XKR6: variants seen among roughly 807,000 people sequenced by gnomAD.
XKR6 encodes XK-related protein 6.
A neutral mutation model predicts 56.7 loss-of-function variants in XKR6; 22 were observed. The ratio of observed to expected loss-of-function variants is 0.39; its 90% CI spans 0.28 to 0.55. XKR6 has a LOEUF of 0.55. XKR6 is among the 20% of genes least tolerant of loss of function. The pLI, the probability that XKR6 is intolerant of heterozygous loss-of-function variation, is 0.66. For synonymous variants in XKR6, 524 were observed against 387.8 expected (o/e 1.35, Z -4.13); for missense variants, 852 against 889.0 (o/e 0.96, Z 0.53).
At chr8:11,158,025 G>T (rs1191555399) in intron 1 of XKR6, among the ~76,000 whole-genome samples, 1 of 152,206 alleles carries the variant, frequency 6.6e-6, no homozygotes, top group Non-Finnish European at 1.5e-5. Context: ...CAACTTAAAA[G>T]TTGGTGATTG....
chr8:10,967,440 A>T (rs1802258821), intron 1 of XKR6, among the ~76,000 whole-genome samples: 1 of 152,100 alleles, frequency 6.6e-6, no homozygotes, highest in African/African-American at 2.4e-5. Flanking sequence ...CTATGCCAGG[A>T]GGTGGGAGCT....
intron 1 of XKR6, among the ~76,000 whole-genome samples, chr8:11,101,862 C>A (rs1220053016): frequency 1.3e-5 from 2 of 152,284 alleles, no homozygotes; most frequent in African/African-American, 2.4e-5. Context: ...CCCTTTAAGG[C>A]CCCATCTAGA....
chr8:10,972,948 G>T (rs553289484), intron 1 of XKR6, among the ~76,000 whole-genome samples: 1 of 152,152 alleles, frequency 6.6e-6, no homozygotes, highest in Non-Finnish European at 1.5e-5. Flanking sequence ...GTAAGGGAAA[G>T]CCTGGCCTGC....
chr8:10,965,597 T>C (rs1455070450), intron 1 of XKR6, among the ~76,000 whole-genome samples: 1 of 152,152 alleles, frequency 6.6e-6, no homozygotes, highest in Non-Finnish European at 1.5e-5. Flanking sequence ...TTCCCCTCTT[T>C]CCAGACAGAA....
rs1441384524 is a variant in XKR6, at chr8:11,091,110, A to G, written c.764+109466T>C. On this transcript the variant is annotated intron_variant, in intron 1 of 2. Coordinates refer to ENST00000416569, the MANE Select transcript of XKR6 (RefSeq NM_173683.4). ...TGGCACCAGGAATGGCATGAAAGGA[A>G]CCAAGCAAGGGCTATTGCTAGAGAA... Among the ~76,000 whole-genome samples the G allele has an allele frequency of 2.0e-5, 3 of 152,190 alleles. No individual in the cohort carries two copies. In the East Asian group the frequency reaches 5.8e-4, roughly 29 times the overall value.
rs989941797 is a variant in XKR6 at position 11,171,278 on chromosome 8, G to A, written c.764+29298C>T. Among the ~76,000 whole-genome samples the A allele has an allele frequency of 4.0e-5, 6 of 151,526 alleles. No homozygotes were observed. The East Asian group carries it at 7.7e-4, about 19-fold the overall frequency. On this transcript the variant is annotated intron_variant, in intron 1 of 2. Coordinates refer to ENST00000416569, the MANE Select transcript of XKR6 (RefSeq NM_173683.4). The stretch of plus-strand genomic sequence containing the variant: ...ATTAAGTGCACACCCACGCATGTGC[G>A]ACTGCACACACACACACAGAGTTCA...
intron 1 of XKR6, among the ~76,000 whole-genome samples, chr8:11,044,666 T>C (rs977761958): frequency 7.9e-5 from 12 of 151,722 alleles, no homozygotes; most frequent in African/African-American, 2.9e-4. Context: ...TCACCTAGGC[T>C]GGAGTGCAAT....
chr8:10,995,530 A>T (rs55970032), intron 1 of XKR6, among the ~76,000 whole-genome samples: 49,527 of 147,918 alleles, frequency 0.33, 10,918 homozygotes, highest in African/African-American at 0.63. Flanking sequence ...ACACACATAT[A>T]TATATAAATT....
At chr8:11,049,769 T>G (rs938590845) in intron 1 of XKR6, among the ~76,000 whole-genome samples, 1 of 152,120 alleles carries the variant, frequency 6.6e-6, no homozygotes, top group African/African-American at 2.4e-5. Context: ...GAAAAAAAAG[T>G]TAACCAAATC....
At chr8:10,940,797 G>A (rs1242544743) in intron 1 of XKR6, among the ~76,000 whole-genome samples, 2 of 152,102 alleles carry the variant, frequency 1.3e-5, no homozygotes, top group East Asian at 1.9e-4. Context: ...GCAATAGGCC[G>A]GCGGGCCCAT....
intron 1 of XKR6, among the ~76,000 whole-genome samples, chr8:11,188,489 T>G (rs1803388165): frequency 6.6e-6 from 1 of 152,136 alleles, no homozygotes; most frequent in Admixed American, 6.6e-5. Flanking sequence ...TCTCTTCCCT[T>G]CCAACCCACA....
At chr8:11,001,928 AC>A (rs1388640586) in intron 1 of XKR6, among the ~76,000 whole-genome samples, 1 of 152,010 alleles carries the variant, frequency 6.6e-6, no homozygotes, top group East Asian at 1.9e-4. Context: ...GCCCCACCAT[AC>A]CCGTTGCTCC....
intron 1 of XKR6, among the ~76,000 whole-genome samples, chr8:11,054,612 G>T (rs557966100): frequency 1.3e-5 from 2 of 152,354 alleles, no homozygotes; most frequent in African/African-American, 4.8e-5. Context: ...TGCTCCGGGA[G>T]GGACCTGCAG....
intron 1 of XKR6, among the ~76,000 whole-genome samples, chr8:10,959,416 A>G (rs1198425886): frequency 6.6e-6 from 1 of 152,192 alleles, no homozygotes; most frequent in Non-Finnish European, 1.5e-5. Flanking sequence ...CTATAACAAA[A>G]TACCCCTGGG....
chr8:11,066,549 G>T (rs993492712), intron 1 of XKR6, among the ~76,000 whole-genome samples: 1 of 152,040 alleles, frequency 6.6e-6, no homozygotes, highest in Admixed American at 6.5e-5. Context: ...GACGTCACCC[G>T]CCCAGGCTGA....
At chr8:10,979,226 A>G (rs1418002075) in intron 1 of XKR6, among the ~76,000 whole-genome samples, 3 of 152,032 alleles carry the variant, frequency 2.0e-5, no homozygotes, top group Admixed American at 2.0e-4. Flanking sequence ...TGGAAGGGCC[A>G]GGCCCACTAG....
chr8:11,021,021 C>A (rs1798738084), intron 1 of XKR6, among the ~76,000 whole-genome samples: 1 of 152,148 alleles, frequency 6.6e-6, no homozygotes, highest in East Asian at 1.9e-4. Context: ...TTCAGGCTCA[C>A]CTTTTACAAA....
At chr8:11,003,359 A>G (rs1798290197) in intron 1 of XKR6, among the ~76,000 whole-genome samples, 1 of 152,108 alleles carries the variant, frequency 6.6e-6, no homozygotes, top group Non-Finnish European at 1.5e-5. Context: ...CACCATCATC[A>G]CTACCATCAT....
At chr8:11,038,271 T>C (rs1335111024) in intron 1 of XKR6, among the ~76,000 whole-genome samples, 4 of 152,180 alleles carry the variant, frequency 2.6e-5, no homozygotes, top group Non-Finnish European at 5.9e-5. Flanking sequence ...AAAAAGTGTC[T>C]CTGCTTTTTA....
Sources: allele counts gnomAD v4.1 joint callset (sites outside exome capture counted in the v4.1 genomes callset), GRCh38; gene constraint gnomAD v4.1.1; transcripts MANE v1.5; gene names NCBI Gene and HGNC (gene_info 2026-07-23, HGNC 2026-07-21).